Variants in DISP3 observed in about 807,000 individuals in gnomAD.
DISP3 encodes the protein dispatched RND transporter family member 3, also known as protein dispatched homolog 3.
A neutral mutation model predicts 135.3 loss-of-function variants in DISP3; 101 were observed. The ratio of observed to expected loss-of-function variants is 0.75; its 90% CI spans 0.64 to 0.88. The LOEUF is 0.88. Ranked by LOEUF, DISP3 falls within the 40% of genes least tolerant of loss-of-function variation. DISP3 has a pLI of 0.00. For synonymous variants in DISP3, 856 were observed against 817.0 expected (o/e 1.05, Z -0.81); for missense variants, 1,713 against 1,878.6 (o/e 0.91, Z 1.63).
At position 11,531,578 on chromosome 1, in the gene DISP3, C is replaced by T; in HGVS notation, c.3243C>T (p.Ser1081=). Reference sequence around the variant, plus strand: ...CTCTCCCCGCAGGCTACAGCATCTCCTCCTTCCTGCAGATGTTGCACCCTG... The same window carrying T: ...CTCTCCCCGCAGGCTACAGCATCTCTTCCTTCCTGCAGATGTTGCACCCTG... The part of the protein sequence containing the change: ...AQCLPSGYSI[S]SFLQMLHPEC... The change falls in exon 17 of 21, where the codon TCC becomes TCT. Residue 1081 remains serine, a synonymous_variant. Transcript: ENST00000294484. The surrounding 1 kb of genome is among the most constrained non-coding windows in gnomAD (Gnocchi z 5.2). The T allele has an allele frequency of 2.5e-6, 4 of 1,613,544 alleles. No individual in the cohort carries two copies. The highest frequency in any genetic ancestry group is 2.2e-5 in the South Asian group (2 of 91,076).
At chr1:11,524,103 T>C (rs748251498) in intron 11 of DISP3, 48 bp downstream of exon 11, 1 of 1,397,818 alleles carries the variant, frequency 7.2e-7, no homozygotes, top group Admixed American at 1.7e-5. Context: ...GGTGCTAGGG[T>C]TGAAGGCCCT....
At chr1:11,523,591 T>C (rs375409495) in intron 10 of DISP3, among the ~76,000 whole-genome samples, 6 of 38,120 alleles carry the variant, frequency 1.6e-4, no homozygotes, top group Non-Finnish European at 2.7e-4. Flanking sequence ...GGCACAGAGA[T>C]GGCAAGCAGG....
intron 1 of DISP3, chr1:11,481,881 T>C (rs774828119): frequency 6.6e-6 from 1 of 152,230 alleles, no homozygotes; most frequent in Non-Finnish European, 1.5e-5. Context: ...ATTTCCTTAA[T>C]AGGACCAGAG....
At chr1:11,487,135 C>T (rs2100359341) in intron 1 of DISP3, among the ~76,000 whole-genome samples, 1 of 152,316 alleles carries the variant, frequency 6.6e-6, no homozygotes, top group South Asian at 2.1e-4. Flanking sequence ...GGGCCTGACC[C>T]CAAGTATGGA....
At chr1:11,517,267 G>A (rs1269370464) in intron 6 of DISP3, among the ~76,000 whole-genome samples, 196 bp from the exon 7 acceptor site, 2 of 152,234 alleles carry the variant, frequency 1.3e-5, no homozygotes, top group African/African-American at 4.8e-5. Flanking sequence ...GTGCTGCTGT[G>A]TCCTCTGACA....
chr1:11,501,754 G>T lies in DISP3; in HGVS notation c.762G>T (p.Ser254=). 1 of 1,591,212 alleles carries T rather than the reference G, an allele frequency of 6.3e-7. No homozygotes were observed. Among genetic ancestry groups the T allele is most frequent in the Non-Finnish European group, 8.6e-7 (1 of 1,166,860 alleles). Residue 254 remains serine, a synonymous_variant, in exon 2 of 21, where the codon TCG becomes TCT. Transcript: ENST00000294484. The surrounding 1 kb of genome is among the most constrained non-coding windows in gnomAD (Gnocchi z 4.9). Reference sequence around the variant, plus strand: ...AGAGCCGTGCCCGCCGAGGCGCCTCGCGCTGGGACTACTCGCGCGCCTATG... The same window carrying T: ...AGAGCCGTGCCCGCCGAGGCGCCTCTCGCTGGGACTACTCGCGCGCCTATG... ...ANQSRARRGA[S]RWDYSRAYVS...
At chr1:11,500,672 G>A (rs1199830216) in intron 1 of DISP3, among the ~76,000 whole-genome samples, 1 of 150,778 alleles carries the variant, frequency 6.6e-6, no homozygotes, top group Admixed American at 6.6e-5. Flanking sequence ...TGTGTAGTCA[G>A]ATTTTTTTTT....
At position 11,522,716 on chromosome 1, in the gene DISP3, GGCCC is replaced by G. The variant is rs1642258073; in HGVS notation, c.2363-1225_2363-1222del. Among the ~76,000 whole-genome samples the G allele has an allele frequency of 6.8e-4, 33 of 48,626 alleles. 1 individual carries two copies. The highest frequency in any genetic ancestry group is 0.014 in the Middle Eastern group (1 of 74). 31.9% of individuals were successfully genotyped at this position (48,626 alleles called of 152,430 possible). On this transcript the variant is annotated intron_variant, in intron 10 of 20. Coordinates refer to ENST00000294484, the MANE Select transcript of DISP3 (RefSeq NM_020780.2). ...CAGGGCCCAGCCAGGACCCAGCCAGGGCCCAGCCAGGGCCCAGCCAGGGCCCAGC... is the reference window on the plus strand; with the variant it reads ...CAGGGCCCAGCCAGGACCCAGCCAGGAGCCAGGGCCCAGCCAGGGCCCAGC...
chr1:11,502,115 G>T (rs765529768), intron 2 of DISP3, 27 bp downstream of exon 2: 5 of 1,531,252 alleles, frequency 3.3e-6, no homozygotes, highest in Non-Finnish European at 2.6e-6. Context: ...CTGGGAGGGG[G>T]CGTAGGTCCA....
chr1:11,511,230 A>G (rs1286014301), intron 3 of DISP3, among the ~76,000 whole-genome samples: 2 of 152,178 alleles, frequency 1.3e-5, no homozygotes, highest in East Asian at 1.9e-4. Flanking sequence ...AACATCCTCC[A>G]AAGTCTTAAC....
At chr1:11,511,928 C>G (rs1425569168) in intron 3 of DISP3, among the ~76,000 whole-genome samples, 1 of 152,228 alleles carries the variant, frequency 6.6e-6, no homozygotes, top group Non-Finnish European at 1.5e-5. Context: ...GACTCAACAC[C>G]ATGTGGAAGC....
rs867722141 is a variant in DISP3, at chr1:11,535,684, G to A, written c.3816+40G>A. The A allele has an allele frequency of 5.0e-6, 8 of 1,584,612 alleles. No individual in the cohort carries two copies. The Middle Eastern group carries it at 5.2e-4, about 104-fold the overall frequency. On this transcript the variant is annotated intron_variant, in intron 20 of 20. Coordinates refer to ENST00000294484, the MANE Select transcript of DISP3 (RefSeq NM_020780.2). ...CGCCTTACCCACTTCCCACCACATT[G>A]GGTCTTCTCCCACCTGGGTGCAGCT...
Position 11,525,387 on chromosome 1 carries a change from C to A in DISP3, c.2613+75C>A. ...GGGCTCTCAGGGCCACACTGGTGGG[C>A]AGCCCTGGCCAATAGGGAGGGAGAA... On this transcript the variant is annotated intron_variant, in intron 12 of 20. Coordinates refer to ENST00000294484, the MANE Select transcript of DISP3 (RefSeq NM_020780.2). 3.3e-6 allele frequency: 5 copies of A among 1,499,268 alleles called. No individual in the cohort carries two copies. In the South Asian group the frequency reaches 6.4e-5, roughly 19 times the overall value. The allele number at this position is 1,499,268 out of a possible 1,614,324, so 92.9% of individuals were successfully genotyped here.
chr1:11,535,187 G>A (rs1642675365), intron 19 of DISP3, 63 bp downstream of exon 19: 3 of 1,459,822 alleles, frequency 2.1e-6, no homozygotes, highest in Admixed American at 2.0e-5. Context: ...AGTCTCCCCG[G>A]TGGCCCCAGG....
intron 1 of DISP3, among the ~76,000 whole-genome samples, chr1:11,494,310 G>GATT (rs1641269637): frequency 6.6e-6 from 1 of 152,196 alleles, no homozygotes; most frequent in Admixed American, 6.5e-5. Flanking sequence ...GGTCTTAATG[G>GATT]GTGTCAGAGT....
At chr1:11,521,244 C>T (rs1642179205) in intron 10 of DISP3, among the ~76,000 whole-genome samples, 1 of 128,222 alleles carries the variant, frequency 7.8e-6, no homozygotes, top group Non-Finnish European at 1.6e-5. Flanking sequence ...GTTAGCCAGG[C>T]TGGGAGGGGA....
chr1:11,529,508 C>T lies in DISP3; in HGVS notation c.2799-48C>T, dbSNP rs1557621077. 1.3e-6 allele frequency: 2 copies of T among 1,522,358 alleles called. No individual in the cohort carries two copies. The highest frequency in any genetic ancestry group is 1.8e-6 in the Non-Finnish European group (2 of 1,132,648). 94.3% of individuals were successfully genotyped at this position (1,522,358 alleles called of 1,614,324 possible). ...GGCCTGCTGGCCTCACCTCCCCTGA[C>T]TCCTCCTAGCCTTTCCGGCCTCAGC... On this transcript the variant is annotated intron_variant, in intron 13 of 20. Coordinates refer to ENST00000294484, the MANE Select transcript of DISP3 (RefSeq NM_020780.2). This position sits in a 1 kb window ranked among gnomAD's most constrained non-coding sequence, Gnocchi z 4.7.
At chr1:11,530,858 T>C in intron 15 of DISP3, 49 bp from the exon 16 acceptor site, 2 of 1,607,792 alleles carry the variant, frequency 1.2e-6, no homozygotes, top group Non-Finnish European at 1.7e-6. Context: ...CAGGACTGAG[T>C]CCCCGTCTCA....
chr1:11,518,177 G>A (rs1642066786), intron 7 of DISP3, among the ~76,000 whole-genome samples: 1 of 152,194 alleles, frequency 6.6e-6, no homozygotes. Context: ...GGCTGCCTGG[G>A]GTTGGGAGGA....
Sources: gnomAD v4.1 joint callset for allele counts (sites outside exome capture counted in the v4.1 genomes callset) on GRCh38, gnomAD v4.1.1 for gene constraint, Gnocchi (gnomAD v3.1) non-coding constraint, MANE v1.5 for transcripts, NCBI Gene and HGNC (gene_info 2026-07-23, HGNC 2026-07-21) for gene names.